The following FLOT1 variants were observed in gnomAD, a reference collection of about 807,000 sequenced individuals.
The protein encoded by FLOT1 is flotillin-1.
FLOT1 carries 40 observed loss-of-function variants against 58.4 expected under a neutral mutation model. The observed-to-expected ratio is 0.69, with a 90% confidence interval of 0.53 to 0.89. FLOT1 has a LOEUF of 0.89. Ranked by LOEUF, FLOT1 falls within the 40% of genes least tolerant of loss-of-function variation. The pLI is 0.00. For missense variants in FLOT1, 423 were observed against 540.8 expected, an observed-to-expected ratio of 0.78 and a Z score of 2.16; for synonymous variants, 178 against 204.2, an observed-to-expected ratio of 0.87 and a Z score of 1.09.
chr6:30,741,998 G>A lies in FLOT1; in HGVS notation c.44-131C>T. On this transcript the variant is annotated intron_variant, in intron 2 of 12. Transcript: ENST00000376389. This position sits in a 1 kb window ranked among gnomAD's most constrained non-coding sequence, Gnocchi z 5.9. ...CTGGAGGGGAAGCAGTCTGGGCCTTGGAATGGTGGGAATCAAACTGGGCAG... is the reference window on the plus strand; with the variant it reads ...CTGGAGGGGAAGCAGTCTGGGCCTTAGAATGGTGGGAATCAAACTGGGCAG... The A allele has an allele frequency of 2.6e-6, 3 of 1,165,850 alleles. No individual in the cohort carries two copies. The South Asian group carries it at 3.9e-5, about 15-fold the overall frequency. The allele number at this position is 1,165,850 out of a possible 1,614,324, so 72.2% of individuals were successfully genotyped here. A position where few individuals can be genotyped will look rare whatever the true frequency, so the allele number is the denominator to read the frequency against.
intron 8 of FLOT1, among the ~76,000 whole-genome samples, chr6:30,733,524 T>A (rs944518216): frequency 1.3e-5 from 2 of 151,550 alleles, no homozygotes; most frequent in African/African-American, 4.8e-5. Context: ...GCAGATCACC[T>A]GAGGTCAGGA....
intron 8 of FLOT1, among the ~76,000 whole-genome samples, chr6:30,735,590 ACTGCAC>A (rs10537729): frequency 0.26 from 38,762 of 151,676 alleles, 6,000 homozygotes; most frequent in African/African-American, 0.44. Flanking sequence ...AGACTGCGCC[ACTGCAC>A]CTGCACTCCA....
At position 30,741,181 on chromosome 6, in the gene FLOT1, T is replaced by C. The variant is rs779326275; in HGVS notation, c.354+9A>G. ...ATCCTTCCAGATGGTTCCCTGCCCC[T>C]AGGCCAACCTCCACAGTCATGTGGG... On this transcript the variant is annotated intron_variant, in intron 5 of 12. Coordinates refer to ENST00000376389, the MANE Select transcript of FLOT1 (RefSeq NM_005803.4). The surrounding 1 kb of genome is among the most constrained non-coding windows in gnomAD (Gnocchi z 5.9). 2 of 1,612,750 alleles carry C rather than the reference T, an allele frequency of 1.2e-6. No homozygotes were observed. The highest frequency in any genetic ancestry group is 1.1e-5 in the South Asian group (1 of 91,076).
intron 12 of FLOT1, among the ~76,000 whole-genome samples, chr6:30,728,807 A>AG (rs1452123339): frequency 6.7e-6 from 1 of 150,366 alleles, no homozygotes; most frequent in Non-Finnish European, 1.5e-5. Flanking sequence ...TTTGAGACAG[A>AG]GTCTTGCTCT....
Position 30,728,009 on chromosome 6 carries a change from C to T in FLOT1, c.*107G>A. On this transcript the variant is annotated 3_prime_UTR_variant, in exon 13 of 13. Transcript: ENST00000376389. ...TGGCAAGGAGAGATGAGGGGTGGGACCTCACTGTCAATGGACATGCTCAGG... is the reference window on the plus strand; with the variant it reads ...TGGCAAGGAGAGATGAGGGGTGGGATCTCACTGTCAATGGACATGCTCAGG... 4 of 1,037,038 alleles carry T rather than the reference C, an allele frequency of 3.9e-6. No individual in the cohort carries two copies. Among genetic ancestry groups the T allele is most frequent in the Non-Finnish European group, 6.1e-6 (4 of 658,878 alleles). 64.2% of individuals were successfully genotyped at this position (1,037,038 alleles called of 1,614,324 possible).
intron 8 of FLOT1, chr6:30,736,334 T>G (rs775451123): frequency 6.6e-6 from 1 of 151,646 alleles, no homozygotes; most frequent in Non-Finnish European, 1.5e-5. Context: ...TAGTGAGAAG[T>G]AGGTAAAGAG....
intron 8 of FLOT1, among the ~76,000 whole-genome samples, chr6:30,732,657 A>G (rs1017472655): frequency 6.6e-6 from 1 of 152,056 alleles, no homozygotes; most frequent in Non-Finnish European, 1.5e-5. Context: ...CAGCCAGAAC[A>G]CATGCCTTCG....
At position 30,727,839 on chromosome 6, in the gene FLOT1, CTGATT is replaced by C. The variant is rs1240815393; in HGVS notation, c.*272_*276del. ...ATTCTAGACAACAGGCTCAAACAGTCTGATTTAATTAGGAAGTTAAATAAGTTGAG... is the reference window on the plus strand; with the variant it reads ...ATTCTAGACAACAGGCTCAAACAGTCTAATTAGGAAGTTAAATAAGTTGAG... On this transcript the variant is annotated 3_prime_UTR_variant, in exon 13 of 13. Coordinates refer to ENST00000376389, the MANE Select transcript of FLOT1 (RefSeq NM_005803.4). The C allele has an allele frequency of 3.4e-6, 2 of 582,242 alleles. No homozygotes were observed. Among genetic ancestry groups the C allele is most frequent in the African/African-American group, 3.7e-5 (2 of 53,606 alleles). 36.1% of individuals were successfully genotyped at this position (582,242 alleles called of 1,614,324 possible).
chr6:30,738,236 C>T (rs2844704), intron 8 of FLOT1, among the ~76,000 whole-genome samples: 2 of 152,146 alleles, frequency 1.3e-5, no homozygotes. Flanking sequence ...TAACAAGCTT[C>T]GCAGTGATGC....
Position 30,730,129 on chromosome 6 carries a change from T to G in FLOT1, c.1147A>C (p.Ser383Arg). 1 of 1,613,042 alleles carries G rather than the reference T, an allele frequency of 6.2e-7. No individual in the cohort carries two copies. Among genetic ancestry groups the G allele is most frequent in the Non-Finnish European group, 8.5e-7 (1 of 1,179,990 alleles). Residue 383 changes from serine to arginine, a missense_variant, in exon 12 of 13, where the codon AGC becomes CGC. Physicochemically the swap from Ser to Arg is moderately radical, Grantham distance 110. This residue lies in a region of FLOT1 where 42 missense variants were observed against 74.4 expected (regional missense o/e 0.56). Transcript: ENST00000376389. The stretch of plus-strand genomic sequence containing the variant: ...GCTGCCCCCATGGTCCCACTGCCGC[T>G]GGACACCAGTGTGATCTTATTGGCT... Reference protein sequence around the residue: ...TSANKITLVSSGSGTMGAAKV... With the variant: ...TSANKITLVSRGSGTMGAAKV...
At chr6:30,740,834 GTTTTTTTT>G (rs34375360) in intron 5 of FLOT1, 36 bp from the exon 6 acceptor site, 49 of 1,314,496 alleles carry the variant, frequency 3.7e-5, no homozygotes, top group Admixed American at 5.9e-5. Flanking sequence ...AGGGATGTAA[GTTTTTTTT>G]TTTTTTTTTT....
chr6:30,732,096 G>C (rs532822605), intron 8 of FLOT1, among the ~76,000 whole-genome samples: 2 of 152,248 alleles, frequency 1.3e-5, no homozygotes, highest in East Asian at 3.9e-4. Context: ...CTCTCAAGTA[G>C]CTGGGACTAC....
chr6:30,742,114 G>T lies in FLOT1; in HGVS notation c.43+33C>A. The T allele has an allele frequency of 6.2e-7, 1 of 1,608,984 alleles. No homozygotes were observed. Among genetic ancestry groups the T allele is most frequent in the East Asian group, 2.2e-5 (1 of 44,866 alleles). On this transcript the variant is annotated intron_variant, in intron 2 of 12. Coordinates refer to ENST00000376389, the MANE Select transcript of FLOT1 (RefSeq NM_005803.4). The surrounding 1 kb of genome is among the most constrained non-coding windows in gnomAD (Gnocchi z 5.2). ...AGGCCAGACTCACAGGGGTTCTGGGGTCACTGGCTGGGAAGGGAACAACAG... is the reference window on the plus strand; with the variant it reads ...AGGCCAGACTCACAGGGGTTCTGGGTTCACTGGCTGGGAAGGGAACAACAG...
intron 5 of FLOT1, 173 bp from the exon 6 acceptor site, chr6:30,740,971 G>C: frequency 8.8e-7 from 1 of 1,138,540 alleles, no homozygotes. Context: ...ATTTGTAGTA[G>C]AGAAGGGGTT....
In FLOT1 at chr6:30,730,963, C is replaced by T. The variant is rs758567772; in HGVS notation, c.861G>A (p.Ala287=). Residue 287 remains alanine (A), a synonymous_variant, in exon 9 of 13, where the codon GCG becomes GCA. Coordinates refer to ENST00000376389, the MANE Select transcript of FLOT1 (RefSeq NM_005803.4). The part of the protein sequence containing the change: ...KELEARVRKP[A]EAERYKLERL... ...GCTCCAGCTTGTAGCGCTCCGCTTC[C>T]GCTGGCTTCCGCACCCGGGCCTCCA... 5 of 1,613,862 alleles carry T rather than the reference C, an allele frequency of 3.1e-6. No homozygotes were observed. The highest frequency in any genetic ancestry group is 4.2e-6 in the Non-Finnish European group (5 of 1,179,978).
At position 30,742,029 on chromosome 6, in the gene FLOT1, G is replaced by T; in HGVS notation, c.43+118C>A. The stretch of plus-strand genomic sequence containing the variant: ...GTGGGAATCAAACTGGGCAGTTCGT[G>T]GCCATCAAGGGGCAGAAGTCTGGTG... On this transcript the variant is annotated intron_variant, in intron 2 of 12. Coordinates refer to ENST00000376389, the MANE Select transcript of FLOT1 (RefSeq NM_005803.4). This position sits in a 1 kb window ranked among gnomAD's most constrained non-coding sequence, Gnocchi z 5.2. 1.6e-6 allele frequency: 2 copies of T among 1,223,008 alleles called. No homozygotes were observed. Among genetic ancestry groups the T allele is most frequent in the Non-Finnish European group, 2.4e-6 (2 of 838,920 alleles). 75.8% of individuals were successfully genotyped at this position (1,223,008 alleles called of 1,614,324 possible).
chr6:30,738,870 C>T (rs934814271), intron 8 of FLOT1, among the ~76,000 whole-genome samples: 7 of 152,136 alleles, frequency 4.6e-5, no homozygotes, highest in African/African-American at 1.2e-4. Flanking sequence ...GAAAATAACA[C>T]GGCTTACGGT....
chr6:30,729,961 A>G, intron 12 of FLOT1, 61 bp downstream of exon 12: 1 of 1,469,146 alleles, frequency 6.8e-7, no homozygotes, highest in Non-Finnish European at 9.5e-7. Context: ...AATGCTAGGC[A>G]TACTGTGTCA....
Position 30,737,159 on chromosome 6 carries a change from C to T in FLOT1, c.723+2999G>A, listed in dbSNP as rs907235767. On this transcript the variant is annotated intron_variant, in intron 8 of 12. Coordinates refer to ENST00000376389, the MANE Select transcript of FLOT1 (RefSeq NM_005803.4). This position sits in a 1 kb window ranked among gnomAD's most constrained non-coding sequence, Gnocchi z 4.4. ...TCACAGCCTTTGCACTTACTGGTCC[C>T]CTGCCTAGCCACAAGCCACGTATGA... 5.3e-5 allele frequency among the ~76,000 whole-genome samples: 8 copies of T among 151,988 alleles called. No individual in the cohort carries two copies. Among genetic ancestry groups the T allele is most frequent in the African/African-American group, 1.9e-4 (8 of 41,366 alleles).
Sources: allele counts gnomAD v4.1 joint callset (sites outside exome capture counted in the v4.1 genomes callset), GRCh38; gene constraint gnomAD v4.1.1; regional missense constraint gnomAD v4.1.1; non-coding constraint Gnocchi (gnomAD v3.1); transcripts MANE v1.5; gene names NCBI Gene and HGNC (gene_info 2026-07-23, HGNC 2026-07-21).